Variants in TSPAN9 observed in about 807,000 individuals in gnomAD.
The protein encoded by TSPAN9 is tetraspanin-9.
Under a neutral mutation model 31.0 loss-of-function variants are expected in TSPAN9, and 16 were observed. That is an observed-to-expected ratio of 0.52 (90% CI 0.35 to 0.78). The LOEUF is 0.78. Among genes scored for constraint, TSPAN9 ranks in the 30% least tolerant of loss-of-function variants. The pLI is 0.01. For missense variants in TSPAN9, 272 were observed against 312.5 expected, an observed-to-expected ratio of 0.87 and a Z score of 0.98; for synonymous variants, 145 against 121.6, an observed-to-expected ratio of 1.19 and a Z score of -1.27.
chr12:3,170,989 G>C lies in TSPAN9; in HGVS notation c.-17-30188G>C, dbSNP rs886839091. Reference sequence around the variant, plus strand: ...TGCCTCCCCACTCCTGTGTTCCTTTGTAGATCAACCAGGATTCTTCCTCCT... The same window carrying C: ...TGCCTCCCCACTCCTGTGTTCCTTTCTAGATCAACCAGGATTCTTCCTCCT... On this transcript the variant is annotated intron_variant, in intron 2 of 8. Coordinates refer to ENST00000011898, the MANE Select transcript of TSPAN9 (RefSeq NM_006675.5). This position sits in a 1 kb window ranked among gnomAD's most constrained non-coding sequence, Gnocchi z 4.4. Among the ~76,000 whole-genome samples, 4 of 152,024 alleles carry C rather than the reference G, an allele frequency of 2.6e-5. No homozygotes were observed. Among genetic ancestry groups the C allele is most frequent in the Admixed American group, 2.0e-4 (3 of 15,264 alleles).
intron 2 of TSPAN9, among the ~76,000 whole-genome samples, chr12:3,134,281 TC>T (rs1249849704): frequency 5.9e-5 from 9 of 152,206 alleles, no homozygotes; most frequent in Non-Finnish European, 8.8e-5. Flanking sequence ...CTTTCTCCTC[TC>T]CGAAGATGAG....
In TSPAN9 at chr12:3,258,520, G is replaced by A. The variant is rs565207086; in HGVS notation, c.64-19901G>A. ...CTTCTGGCAGCAATGAAGAGTGGTC[G>A]TGGGAGCCTTGACTAACCCTGTTTT... On this transcript the variant is annotated intron_variant, in intron 3 of 8. Coordinates refer to ENST00000011898, the MANE Select transcript of TSPAN9 (RefSeq NM_006675.5). Among the ~76,000 whole-genome samples the A allele has an allele frequency of 3.3e-5, 5 of 152,274 alleles. No individual in the cohort carries two copies. The East Asian group carries it at 7.7e-4, about 24-fold the overall frequency.
In TSPAN9 at chr12:3,168,572, GC is replaced by G. The variant is rs2098349893; in HGVS notation, c.-17-32599del. On this transcript the variant is annotated intron_variant, in intron 2 of 8. Coordinates refer to ENST00000011898, the MANE Select transcript of TSPAN9 (RefSeq NM_006675.5). The surrounding 1 kb of genome is among the most constrained non-coding windows in gnomAD (Gnocchi z 4.0). The stretch of plus-strand genomic sequence containing the variant: ...TGGGGAGCTGACTTACTTTCTCTTT[GC>G]CCCCCTCTATTTCTATGTGTGAGTC... Among the ~76,000 whole-genome samples, 1 of 152,104 alleles carries G rather than the reference GC, an allele frequency of 6.6e-6. No homozygotes were observed. Among genetic ancestry groups the G allele is most frequent in the Admixed American group, 6.6e-5 (1 of 15,266 alleles).
intron 2 of TSPAN9, among the ~76,000 whole-genome samples, chr12:3,159,767 C>T (rs976693770): frequency 2.0e-5 from 3 of 152,120 alleles, no homozygotes; most frequent in African/African-American, 7.2e-5. Flanking sequence ...GGGAAGACAA[C>T]GTGAAGACGT....
At chr12:3,213,374 T>C (rs1183746937) in intron 3 of TSPAN9, among the ~76,000 whole-genome samples, 1 of 152,204 alleles carries the variant, frequency 6.6e-6, no homozygotes. Flanking sequence ...CAAGAGCTCA[T>C]TGGACCCAAA....
At chr12:3,174,772 CG>C (rs35481442) in intron 2 of TSPAN9, among the ~76,000 whole-genome samples, 42,050 of 131,880 alleles carry the variant, frequency 0.32, 9,376 homozygotes, top group South Asian at 0.47. Flanking sequence ...TTAGTAGAGA[CG>C]GGGTTTCACC....
In TSPAN9 at chr12:3,191,616, C is replaced by T. The variant is rs2098364460; in HGVS notation, c.-17-9561C>T. Among the ~76,000 whole-genome samples, 3 of 152,132 alleles carry T rather than the reference C, an allele frequency of 2.0e-5. No individual in the cohort carries two copies. The South Asian group carries it at 6.2e-4, about 31-fold the overall frequency. On this transcript the variant is annotated intron_variant, in intron 2 of 8. Transcript: ENST00000011898. ...CAGACACCTGGAAAGCCCCGGAAGC[C>T]CTCCCTGCTGGCCCTGCCTGCCCTG...
intron 2 of TSPAN9, among the ~76,000 whole-genome samples, chr12:3,106,921 CT>C (rs2098314997): frequency 6.6e-6 from 1 of 152,192 alleles, no homozygotes; most frequent in African/African-American, 2.4e-5. Context: ...AAGACCTTGG[CT>C]GCAGAGCTCT....
At chr12:3,253,118 G>T (rs1282504601) in intron 3 of TSPAN9, among the ~76,000 whole-genome samples, 4 of 152,086 alleles carry the variant, frequency 2.6e-5, no homozygotes, top group African/African-American at 9.7e-5. Context: ...CTCGGGGGTG[G>T]TGATCAACAC....
chr12:3,181,863 CCT>C (rs2098358748), intron 2 of TSPAN9, among the ~76,000 whole-genome samples: 2 of 152,166 alleles, frequency 1.3e-5, no homozygotes, highest in South Asian at 4.1e-4. Flanking sequence ...TGACAGGCCA[CCT>C]GCAGCGTCCC....
In TSPAN9 at chr12:3,143,346, G is replaced by C. The variant is rs1591646337; in HGVS notation, c.-17-57831G>C. Among the ~76,000 whole-genome samples, 3 of 149,142 alleles carry C rather than the reference G, an allele frequency of 2.0e-5. No individual in the cohort carries two copies. The South Asian group carries it at 6.3e-4, about 31-fold the overall frequency. On this transcript the variant is annotated intron_variant, in intron 2 of 8. Coordinates refer to ENST00000011898, the MANE Select transcript of TSPAN9 (RefSeq NM_006675.5). The surrounding 1 kb of genome is among the most constrained non-coding windows in gnomAD (Gnocchi z 4.2). ...TCTTGAGGGCAGGCACTTTGAAACT[G>C]TCCTGGTTTTTTCTCAAACCTTTGC...
chr12:3,158,764 G>A (rs561359142), intron 2 of TSPAN9, among the ~76,000 whole-genome samples: 109 of 147,968 alleles, frequency 7.4e-4, no homozygotes, highest in Non-Finnish European at 1.4e-3. Context: ...CCACTGTGTC[G>A]GCCAACTTGC....
intron 3 of TSPAN9, among the ~76,000 whole-genome samples, chr12:3,203,032 CT>C (rs2153973205): frequency 6.6e-6 from 1 of 152,278 alleles, no homozygotes; most frequent in East Asian, 1.9e-4. Context: ...CTTCTCCATT[CT>C]TTTTTGTAGT....
chr12:3,239,718 G>T (rs2098395596), intron 3 of TSPAN9, among the ~76,000 whole-genome samples: 1 of 152,194 alleles, frequency 6.6e-6, no homozygotes, highest in African/African-American at 2.4e-5. Context: ...CAGGAGTGCT[G>T]GTTCCTGGTC....
At chr12:3,154,060 C>G (rs2098341157) in intron 2 of TSPAN9, among the ~76,000 whole-genome samples, 1 of 151,730 alleles carries the variant, frequency 6.6e-6, no homozygotes, top group Non-Finnish European at 1.5e-5. Context: ...GTATCTCTAT[C>G]TGTTTCTCTG....
rs1862614478 is a variant in TSPAN9 at position 3,269,149 on chromosome 12, T to TTCCCTCTGTGCGTTCCTGCAGCC, written c.64-9271_64-9270insCCCTCTGTGCGTTCCTGCAGCCT. 6.0e-5 allele frequency among the ~76,000 whole-genome samples: 2 copies of TTCCCTCTGTGCGTTCCTGCAGCC among 33,308 alleles called. 1 individual carries two copies. Among genetic ancestry groups the TTCCCTCTGTGCGTTCCTGCAGCC allele is most frequent in the Non-Finnish European group, 1.3e-4 (2 of 15,402 alleles). 21.9% of individuals were successfully genotyped at this position (33,308 alleles called of 152,430 possible). On this transcript the variant is annotated intron_variant, in intron 3 of 8. Coordinates refer to ENST00000011898, the MANE Select transcript of TSPAN9 (RefSeq NM_006675.5). ...CCTGCCCTCTGTGCGTTCCTGCAGCTTGCCCTCTGTGCGTTCCTGCAGCCT... is the reference window on the plus strand; with the variant it reads ...CCTGCCCTCTGTGCGTTCCTGCAGCTTCCCTCTGTGCGTTCCTGCAGCCTGCCCTCTGTGCGTTCCTGCAGCCT...
intron 2 of TSPAN9, among the ~76,000 whole-genome samples, chr12:3,108,138 GAC>G (rs2098315605): frequency 6.6e-6 from 1 of 152,210 alleles, no homozygotes; most frequent in Non-Finnish European, 1.5e-5. Context: ...AAAGGAATAA[GAC>G]ACAGTCTCTC....
chr12:3,165,221 G>A (rs184854697), intron 2 of TSPAN9, among the ~76,000 whole-genome samples: 8 of 152,276 alleles, frequency 5.3e-5, no homozygotes, highest in South Asian at 2.1e-4. Flanking sequence ...TGGAATGAAG[G>A]TCTTTGGACC....
At chr12:3,191,606 C>T (rs891221588) in intron 2 of TSPAN9, among the ~76,000 whole-genome samples, 6 of 152,150 alleles carry the variant, frequency 3.9e-5, no homozygotes, top group Non-Finnish European at 7.4e-5. Context: ...ACCTGGAAAG[C>T]CCCGGAAGCC....
Sources: gnomAD v4.1 joint callset for allele counts (sites outside exome capture counted in the v4.1 genomes callset) on GRCh38, gnomAD v4.1.1 for gene constraint, Gnocchi (gnomAD v3.1) non-coding constraint, MANE v1.5 for transcripts, NCBI Gene and HGNC (gene_info 2026-07-23, HGNC 2026-07-21) for gene names.